GALNTL6: variants seen among roughly 807,000 people sequenced by gnomAD.
GALNTL6 encodes the protein polypeptide N-acetylgalactosaminyltransferase like 6, also known as polypeptide N-acetylgalactosaminyltransferase-like 6.
Under a neutral mutation model 73.7 loss-of-function variants are expected in GALNTL6, and 46 were observed. The observed-to-expected ratio is 0.62, with a 90% CI of 0.49 to 0.80. The LOEUF (loss-of-function observed/expected upper bound fraction) is 0.80, where lower values mean the gene tolerates loss of function less well. Among genes scored for constraint, GALNTL6 ranks in the 30% least tolerant of loss-of-function variants. The pLI is 0.00. For missense variants in GALNTL6, 604 were observed against 755.0 expected (o/e 0.80, Z 2.34); for synonymous variants, 259 against 263.7 (o/e 0.98, Z 0.17).
chr4:172,411,496 C>T (rs564623698), intron 5 of GALNTL6, among the ~76,000 whole-genome samples: 39 of 152,058 alleles, frequency 2.6e-4, no homozygotes, highest in Non-Finnish European at 5.1e-4. Context: ...ACTAAGTTTC[C>T]CACCTGAAAG....
chr4:172,212,319 G>A (rs1232921975), intron 2 of GALNTL6, among the ~76,000 whole-genome samples: 2 of 151,872 alleles, frequency 1.3e-5, no homozygotes, highest in Admixed American at 6.6e-5. Context: ...ATGCCACCAC[G>A]CCTGGCTAAT....
At chr4:172,659,157 G>C (rs1424288785) in intron 5 of GALNTL6, among the ~76,000 whole-genome samples, 1 of 152,160 alleles carries the variant, frequency 6.6e-6, no homozygotes, top group African/African-American at 2.4e-5. Context: ...GTTTCACAGA[G>C]AGTGAAGGGT....
intron 5 of GALNTL6, among the ~76,000 whole-genome samples, chr4:172,671,668 C>G (rs1008902691): frequency 3.3e-5 from 5 of 151,992 alleles, no homozygotes; most frequent in African/African-American, 1.2e-4. Context: ...TCCTGATTGC[C>G]CAGGCCAGGA....
intron 5 of GALNTL6, among the ~76,000 whole-genome samples, chr4:172,517,635 A>G (rs1734652004): frequency 6.6e-6 from 1 of 152,148 alleles, no homozygotes; most frequent in Non-Finnish European, 1.5e-5. Flanking sequence ...TTTAAACTAT[A>G]TCCTTTCTAT....
At chr4:171,819,583 T>G (rs901236) in intron 2 of GALNTL6, among the ~76,000 whole-genome samples, 83,909 of 151,986 alleles carry the variant, frequency 0.55, 24,955 homozygotes, top group East Asian at 0.84. Flanking sequence ...TTGAATTTTT[T>G]TGTTTGTTTG....
intron 5 of GALNTL6, among the ~76,000 whole-genome samples, chr4:172,808,523 G>A (rs956467625): frequency 5.3e-5 from 8 of 152,144 alleles, no homozygotes; most frequent in African/African-American, 1.9e-4. Flanking sequence ...TAATGTCTTA[G>A]ATAGGGCAGA....
intron 6 of GALNTL6, among the ~76,000 whole-genome samples, chr4:172,812,739 A>G (rs1018703602): frequency 2.0e-5 from 3 of 152,204 alleles, no homozygotes; most frequent in African/African-American, 7.2e-5. Context: ...CATAACCCTT[A>G]ACAAGTTATT....
At chr4:172,194,558 C>T (rs1479896971) in intron 2 of GALNTL6, among the ~76,000 whole-genome samples, 6 of 152,168 alleles carry the variant, frequency 3.9e-5, no homozygotes, top group South Asian at 4.2e-4. Flanking sequence ...AAGGTGAGGT[C>T]GCCTATAAAG....
At chr4:171,995,080 TATA>T (rs1279637668) in intron 2 of GALNTL6, among the ~76,000 whole-genome samples, 1 of 151,932 alleles carries the variant, frequency 6.6e-6, no homozygotes, top group African/African-American at 2.4e-5. Context: ...TATAGAAAAT[TATA>T]ATTCCTATTT....
intron 5 of GALNTL6, among the ~76,000 whole-genome samples, chr4:172,636,578 C>A (rs1309971894): frequency 3.3e-5 from 5 of 152,116 alleles, no homozygotes; most frequent in Admixed American, 3.3e-4. Context: ...GGCCACAAGA[C>A]AAGAAACACA....
chr4:172,407,246 T>C (rs1370193336), intron 5 of GALNTL6, among the ~76,000 whole-genome samples: 1 of 152,040 alleles, frequency 6.6e-6, no homozygotes, highest in Non-Finnish European at 1.5e-5. Flanking sequence ...CTTCACAGGA[T>C]CAATAATCTG....
intron 2 of GALNTL6, among the ~76,000 whole-genome samples, chr4:172,224,684 T>A (rs2110955837): frequency 6.6e-6 from 1 of 152,302 alleles, no homozygotes; most frequent in African/African-American, 2.4e-5. Flanking sequence ...CCAGAGCCCA[T>A]CACTCCTTAG....
At chr4:172,883,401 T>C (rs1745561591) in intron 8 of GALNTL6, among the ~76,000 whole-genome samples, 1 of 152,232 alleles carries the variant, frequency 6.6e-6, no homozygotes, top group African/African-American at 2.4e-5. Context: ...AGTGTGGTGC[T>C]GGCATCTGCT....
rs1737431316 is a variant in GALNTL6, at chr4:172,751,676, C to T, written c.554-57685C>T. ...TCAGACTTCACAGCACAGCATATGCCCAATTGACAGCCTCTGGGCACATCC... is the reference window on the plus strand; with the variant it reads ...TCAGACTTCACAGCACAGCATATGCTCAATTGACAGCCTCTGGGCACATCC... On this transcript the variant is annotated intron_variant, in intron 5 of 12. Coordinates refer to ENST00000506823, the MANE Select transcript of GALNTL6 (RefSeq NM_001034845.3). Among the ~76,000 whole-genome samples, 4 of 152,106 alleles carry T rather than the reference C, an allele frequency of 2.6e-5. No homozygotes were observed. The South Asian group carries it at 8.3e-4, about 32-fold the overall frequency.
At chr4:171,986,992 G>T (rs969435977) in intron 2 of GALNTL6, among the ~76,000 whole-genome samples, 3 of 152,230 alleles carry the variant, frequency 2.0e-5, no homozygotes, top group Non-Finnish European at 4.4e-5. Context: ...AGTTGAGAAC[G>T]GTGAATAGGC....
At chr4:172,679,797 A>C (rs1014983340) in intron 5 of GALNTL6, among the ~76,000 whole-genome samples, 2 of 152,254 alleles carry the variant, frequency 1.3e-5, no homozygotes, top group Non-Finnish European at 2.9e-5. Flanking sequence ...TACAATTCTT[A>C]AGTGGCAGTT....
intron 7 of GALNTL6, among the ~76,000 whole-genome samples, chr4:172,850,832 A>C (rs1179084281): frequency 3.9e-5 from 6 of 152,158 alleles, no homozygotes; most frequent in Admixed American, 3.9e-4. Context: ...CCCATTTATC[A>C]TAAAGGATAT....
At chr4:172,376,654 A>G (rs1343043296) in intron 5 of GALNTL6, among the ~76,000 whole-genome samples, 1 of 152,078 alleles carries the variant, frequency 6.6e-6, no homozygotes, top group Non-Finnish European at 1.5e-5. Flanking sequence ...TAGCAAGCAA[A>G]AGGGGTCCGA....
At position 171,989,945 on chromosome 4, in the gene GALNTL6, C is replaced by T. The variant is rs1740284496; in HGVS notation, c.138+175227C>T. 2.0e-5 allele frequency among the ~76,000 whole-genome samples: 3 copies of T among 152,128 alleles called. No individual in the cohort carries two copies. The South Asian group carries it at 6.2e-4, about 32-fold the overall frequency. Reference sequence around the variant, plus strand: ...GCATTAACCTTGACTATGCCTTTAGCTCCAGCCACCTTTTTAAGAGCAAAT... The same window carrying T: ...GCATTAACCTTGACTATGCCTTTAGTTCCAGCCACCTTTTTAAGAGCAAAT... On this transcript the variant is annotated intron_variant, in intron 2 of 12. Transcript: ENST00000506823.
Sources: allele counts gnomAD v4.1 joint callset (sites outside exome capture counted in the v4.1 genomes callset), GRCh38; gene constraint gnomAD v4.1.1; transcripts MANE v1.5; gene names NCBI Gene and HGNC (gene_info 2026-07-23, HGNC 2026-07-21).